ZNF827: variants seen among roughly 807,000 people sequenced by gnomAD.
The protein encoded by ZNF827 is zinc finger protein 827.
In ZNF827, 13 loss-of-function variants were observed where a neutral mutation model predicts 102.4. The observed-to-expected ratio is 0.13, with a 90% CI of 0.08 to 0.20. The LOEUF is 0.20. ZNF827 is among the 10% of genes least tolerant of loss of function. The pLI is 1.00. For missense variants in ZNF827, 1,103 were observed against 1,344.4 expected, an observed-to-expected ratio of 0.82 and a Z score of 2.81; for synonymous variants, 523 against 536.2, an observed-to-expected ratio of 0.98 and a Z score of 0.34.
intron 8 of ZNF827, among the ~76,000 whole-genome samples, chr4:145,783,176 T>C (rs1172187493): frequency 6.6e-6 from 1 of 152,248 alleles, no homozygotes; most frequent in African/African-American, 2.4e-5. Flanking sequence ...GTAAAGGTTT[T>C]GCATTATTTA....
At chr4:145,866,787 C>T (rs142258117) in intron 5 of ZNF827, among the ~76,000 whole-genome samples, 175 of 152,300 alleles carry the variant, frequency 1.1e-3, no homozygotes, top group African/African-American at 3.6e-3. Flanking sequence ...ACATGTAACT[C>T]CCCAAAGAAA....
chr4:145,824,813 G>A (rs1369115859), intron 7 of ZNF827, among the ~76,000 whole-genome samples: 1 of 152,216 alleles, frequency 6.6e-6, no homozygotes, highest in East Asian at 1.9e-4. Flanking sequence ...TGCTAAACAT[G>A]CCACAAGGCT....
intron 1 of ZNF827, among the ~76,000 whole-genome samples, chr4:145,908,079 A>G (rs1752010670): frequency 6.6e-6 from 1 of 152,166 alleles, no homozygotes; most frequent in East Asian, 1.9e-4. Flanking sequence ...TTTTGGTTTG[A>G]CAGTTTTAAT....
chr4:145,885,497 A>C (rs759657669), intron 4 of ZNF827, among the ~76,000 whole-genome samples, 181 bp downstream of exon 4: 15 of 152,262 alleles, frequency 9.9e-5, no homozygotes, highest in Middle Eastern at 6.8e-3. Context: ...TTACACACAC[A>C]CAAAGTCAAG....
rs750904924 is a variant in ZNF827 at position 145,902,555 on chromosome 4, A to G, written c.704T>C (p.Met235Thr). ...AGGGGAGGAAAAGGACTCAAATCGC[A>G]TGGTCTCCTCAGTCCTGGTGAGAGA... ...DKSLTRTEET[M>T]RFESFSSPFS... The change falls in exon 2 of 15, where the codon ATG (methionine) becomes ACG (threonine). Residue 235 changes from methionine to threonine, a missense_variant. Transcript: ENST00000508784. This position sits in a 1 kb window ranked among gnomAD's most constrained non-coding sequence, Gnocchi z 4.3. 6 of 1,614,140 alleles carry G rather than the reference A, an allele frequency of 3.7e-6. No individual in the cohort carries two copies. Among genetic ancestry groups the G allele is most frequent in the Middle Eastern group, 3.3e-4 (2 of 6,062 alleles).
chr4:145,789,028 G>C (rs2127041179), intron 8 of ZNF827, among the ~76,000 whole-genome samples: 1 of 152,332 alleles, frequency 6.6e-6, no homozygotes, highest in Non-Finnish European at 1.5e-5. Flanking sequence ...CATAGTTCTA[G>C]ACAATGAGAT....
chr4:145,799,283 A>G (rs1020829504), intron 8 of ZNF827, among the ~76,000 whole-genome samples: 1 of 152,190 alleles, frequency 6.6e-6, no homozygotes, highest in Admixed American at 6.5e-5. Flanking sequence ...CATAACAATA[A>G]TATTTATAGC....
intron 7 of ZNF827, among the ~76,000 whole-genome samples, chr4:145,844,408 G>A (rs4835260): frequency 0.19 from 28,297 of 150,410 alleles, 3,732 homozygotes; most frequent in East Asian, 0.63. Context: ...AGCGAATCAC[G>A]GTGGCTCACC....
chr4:145,781,888 A>C (rs996389427), intron 8 of ZNF827, among the ~76,000 whole-genome samples: 1 of 152,272 alleles, frequency 6.6e-6, no homozygotes, highest in African/African-American at 2.4e-5. Context: ...AATATCAAAT[A>C]AGTAGATGCA....
At chr4:145,934,189 C>T (rs1355544851) in intron 1 of ZNF827, among the ~76,000 whole-genome samples, 1 of 152,120 alleles carries the variant, frequency 6.6e-6, no homozygotes, top group Non-Finnish European at 1.5e-5. Flanking sequence ...TAAAACCACC[C>T]CTCAAAAATA....
At chr4:145,882,385 C>T (rs972410991) in intron 4 of ZNF827, among the ~76,000 whole-genome samples, 23 of 152,172 alleles carry the variant, frequency 1.5e-4, no homozygotes, top group African/African-American at 4.3e-4. Flanking sequence ...TGGAAGCCTC[C>T]GTTTTGCAAG....
At chr4:145,807,800 C>CAAAAAAA (rs199536341) in intron 8 of ZNF827, among the ~76,000 whole-genome samples, 1 of 136,534 alleles carries the variant, frequency 7.3e-6, no homozygotes. Flanking sequence ...AAAACAAAAA[C>CAAAAAAA]AAAAAAAAAA....
chr4:145,905,108 G>A (rs937660987), intron 1 of ZNF827, among the ~76,000 whole-genome samples: 3 of 152,144 alleles, frequency 2.0e-5, no homozygotes, highest in African/African-American at 7.2e-5. Context: ...GTCTGCTGTT[G>A]GCTTCCTTCT....
At chr4:145,776,929 TCAAG>T (rs926187772) in intron 9 of ZNF827, among the ~76,000 whole-genome samples, 1 of 152,166 alleles carries the variant, frequency 6.6e-6, no homozygotes, top group Admixed American at 6.5e-5. Flanking sequence ...GTTTGATTAA[TCAAG>T]CAAATTAAAG....
intron 1 of ZNF827, among the ~76,000 whole-genome samples, chr4:145,933,900 C>T (rs556713007): frequency 3.3e-5 from 5 of 152,102 alleles, no homozygotes; most frequent in South Asian, 2.1e-4. Flanking sequence ...TGCGTGGTAA[C>T]GGTCACAGCA....
At chr4:145,937,285 G>A (rs994201114) in intron 1 of ZNF827, among the ~76,000 whole-genome samples, 8 of 151,852 alleles carry the variant, frequency 5.3e-5, no homozygotes, top group Non-Finnish European at 8.8e-5. Context: ...TCTCCAGTTG[G>A]CGTGTGTGGC....
At chr4:145,801,628 A>G (rs1234350694) in intron 8 of ZNF827, among the ~76,000 whole-genome samples, 1 of 152,240 alleles carries the variant, frequency 6.6e-6, no homozygotes, top group Non-Finnish European at 1.5e-5. Flanking sequence ...TCAAATCACT[A>G]CACTCATCCC....
rs767496479 is a variant in ZNF827, at chr4:145,902,953, G to A, written c.306C>T (p.Ser102=). Residue 102 remains serine (S), a synonymous_variant, in exon 2 of 15, where the codon TCC becomes TCT. Coordinates refer to ENST00000508784, the MANE Select transcript of ZNF827 (RefSeq NM_001306215.2). The surrounding 1 kb of genome is among the most constrained non-coding windows in gnomAD (Gnocchi z 4.3). Reference sequence around the variant, plus strand: ...CGTCACACAAAGAAGACACTCCCGGGGAAAGGTGATCTTGACACTGCAGTG... The same window carrying A: ...CGTCACACAAAGAAGACACTCCCGGAGAAAGGTGATCTTGACACTGCAGTG... ...RDSLQCQDHL[S]PGVSSLCDDD... 1.9e-6 allele frequency: 3 copies of A among 1,614,170 alleles called. No individual in the cohort carries two copies. The highest frequency in any genetic ancestry group is 2.5e-6 in the Non-Finnish European group (3 of 1,180,026).
At chr4:145,771,274 G>T (rs1003987948) in intron 11 of ZNF827, among the ~76,000 whole-genome samples, 1 of 152,078 alleles carries the variant, frequency 6.6e-6, no homozygotes, top group Non-Finnish European at 1.5e-5. Context: ...CAGATCTCTC[G>T]ATTGTTTTCA....
Sources: gnomAD v4.1 joint callset for allele counts (sites outside exome capture counted in the v4.1 genomes callset) on GRCh38, gnomAD v4.1.1 for gene constraint, Gnocchi (gnomAD v3.1) non-coding constraint, MANE v1.5 for transcripts, NCBI Gene and HGNC (gene_info 2026-07-23, HGNC 2026-07-21) for gene names.